RAB29: variants seen among roughly 807,000 people sequenced by gnomAD.
The protein encoded by RAB29 is ras-related protein Rab-29.
A neutral mutation model predicts 25.5 loss-of-function variants in RAB29; 13 were observed. The ratio of observed to expected loss-of-function variants is 0.51; its 90% confidence interval spans 0.33 to 0.81. The LOEUF is 0.81. RAB29 is among the 30% of genes least tolerant of loss of function. The pLI, the probability that RAB29 is intolerant of heterozygous loss-of-function variation, is 0.02. For synonymous variants in RAB29, 88 were observed against 95.0 expected (o/e 0.93, Z 0.43); for missense variants, 201 against 254.9 (o/e 0.79, Z 1.44).
At chr1:205,774,304 C>T (rs1571621806) in intron 2 of RAB29, among the ~76,000 whole-genome samples, 2 of 152,352 alleles carry the variant, frequency 1.3e-5, no homozygotes, top group East Asian at 3.9e-4. Context: ...TCCATCCCAC[C>T]CACAGCCCCA....
rs1200597677 is a variant in RAB29, at chr1:205,772,534, T to G, written c.158A>C (p.Asp53Ala). The change falls in exon 3 of 6, where the codon GAC (aspartate) becomes GCC (alanine). Residue 53 changes from aspartate to alanine, a missense_variant. Coordinates refer to ENST00000367139, the MANE Select transcript of RAB29 (RefSeq NM_003929.3). ...CAGCTGAAGCCGCACTATCTCGTAG[T>G]CAGACCACTGGAGAACCTTCAGAGC... ...DFALKVLQWS[D>A]YEIVRLQLWD... 9 of 1,614,112 alleles carry G rather than the reference T, an allele frequency of 5.6e-6. No homozygotes were observed. The highest frequency in any genetic ancestry group is 1.3e-5 in the African/African-American group (1 of 75,052).
Position 205,770,036 on chromosome 1 carries a change from C to G in RAB29, c.*306G>C. 2.5e-6 allele frequency: 1 copy of G among 400,208 alleles called. No individual in the cohort carries two copies. Among genetic ancestry groups the G allele is most frequent in the Non-Finnish European group, 4.6e-6 (1 of 218,830 alleles). 24.8% of individuals were successfully genotyped at this position (400,208 alleles called of 1,614,324 possible). A position where few individuals can be genotyped will look rare whatever the true frequency, so the allele number is the denominator to read the frequency against. Reference sequence around the variant, plus strand: ...TAGGTGAGAATTATGATCTCTAAAACGCAGGTGCTGATTTCTAATCCTTCT... The same window carrying G: ...TAGGTGAGAATTATGATCTCTAAAAGGCAGGTGCTGATTTCTAATCCTTCT... On this transcript the variant is annotated 3_prime_UTR_variant, in exon 6 of 6. Transcript: ENST00000367139.
In RAB29 at chr1:205,773,108, CAAG is replaced by C. The variant is rs1395376277; in HGVS notation, c.125-544_125-542del. ...AATGGAAAAGGTCCCAGAGGAGTCC[CAAG>C]AAGAAGACACTGTGTGGATGTTGCT... On this transcript the variant is annotated intron_variant, in intron 2 of 5. Transcript: ENST00000367139. Among the ~76,000 whole-genome samples the C allele has an allele frequency of 5.3e-5, 8 of 152,230 alleles. 1 individual carries two copies. Among genetic ancestry groups the C allele is most frequent in the African/African-American group, 1.9e-4 (8 of 41,528 alleles).
Position 205,775,065 on chromosome 1 carries a change from TC to T in RAB29, c.-110del. 1 of 1,401,994 alleles carries T rather than the reference TC, an allele frequency of 7.1e-7. No homozygotes were observed. Among genetic ancestry groups the T allele is most frequent in the Non-Finnish European group, 9.8e-7 (1 of 1,019,138 alleles). The allele number at this position is 1,401,994 out of a possible 1,614,324, so 86.8% of individuals were successfully genotyped here. On this transcript the variant is annotated 5_prime_UTR_variant, in exon 2 of 6. Coordinates refer to ENST00000367139, the MANE Select transcript of RAB29 (RefSeq NM_003929.3). The stretch of plus-strand genomic sequence containing the variant: ...CCCTCTTCAAACTGAAGTGAGGCAT[TC>T]CCACCCACCGCCTGTCTGGGCTGCT...
chr1:205,774,798 T>TG, intron 2 of RAB29, 35 bp downstream of exon 2: 86 of 658,448 alleles, frequency 1.3e-4, no homozygotes, highest in Non-Finnish European at 2.1e-4. Context: ...GGCCTCCTCC[T>TG]CCCCCTCCCC....
chr1:205,770,235 G>T lies in RAB29; in HGVS notation c.*107C>A. 1 of 909,026 alleles carries T rather than the reference G, an allele frequency of 1.1e-6. No homozygotes were observed. The highest frequency in any genetic ancestry group is 1.8e-6 in the Non-Finnish European group (1 of 560,340). 56.3% of individuals were successfully genotyped at this position (909,026 alleles called of 1,614,324 possible). On this transcript the variant is annotated 3_prime_UTR_variant, in exon 6 of 6. Coordinates refer to ENST00000367139, the MANE Select transcript of RAB29 (RefSeq NM_003929.3). The stretch of plus-strand genomic sequence containing the variant: ...CAATGGGCCTCCTTACTGGACAGTA[G>T]TCAGGAGACAATTCAAATGTACTTA...
intron 4 of RAB29, 100 bp downstream of exon 4, chr1:205,771,372 C>T: frequency 7.0e-7 from 1 of 1,434,326 alleles, no homozygotes; most frequent in East Asian, 2.3e-5. Flanking sequence ...ATTTTGCCAA[C>T]TTAAGAAGGG....
chr1:205,772,307 C>G (rs930662523), intron 3 of RAB29, among the ~76,000 whole-genome samples, 189 bp downstream of exon 3: 1 of 152,322 alleles, frequency 6.6e-6, no homozygotes, highest in African/African-American at 2.4e-5. Context: ...ATAGAGACTG[C>G]TCCAGATCTA....
chr1:205,770,155 G>A lies in RAB29; in HGVS notation c.*187C>T. On this transcript the variant is annotated 3_prime_UTR_variant, in exon 6 of 6. Coordinates refer to ENST00000367139, the MANE Select transcript of RAB29 (RefSeq NM_003929.3). ...AATGTGAGCCAGCAACATGTGAAAG[G>A]CTAATCCAGGAGATGCAGAAATGCA... 1.6e-6 allele frequency: 1 copy of A among 619,088 alleles called. No individual in the cohort carries two copies. The highest frequency in any genetic ancestry group is 2.9e-6 in the Non-Finnish European group (1 of 346,874). The allele number at this position is 619,088 out of a possible 1,614,324, so 38.3% of individuals were successfully genotyped here. A position where few individuals can be genotyped will look rare whatever the true frequency, so the allele number is the denominator to read the frequency against.
chr1:205,773,362 C>T (rs1337649256), intron 2 of RAB29, among the ~76,000 whole-genome samples: 1 of 152,166 alleles, frequency 6.6e-6, no homozygotes, highest in Non-Finnish European at 1.5e-5. Context: ...TAAAGGAAAA[C>T]TACAGCAATT....
chr1:205,770,688 TG>T, intron 5 of RAB29, 44 bp downstream of exon 5: 1 of 1,612,942 alleles, frequency 6.2e-7, no homozygotes, highest in Non-Finnish European at 8.5e-7. Context: ...AGGGCCACAG[TG>T]GAAGATGGAT....
chr1:205,774,798 T>TTC (rs1558071352), intron 2 of RAB29, 35 bp downstream of exon 2: 7 of 658,516 alleles, frequency 1.1e-5, no homozygotes, highest in Admixed American at 2.3e-5. Context: ...GGCCTCCTCC[T>TTC]CCCCCTCCCC....
chr1:205,770,526 A>T, intron 5 of RAB29, 73 bp from the exon 6 acceptor site: 1 of 1,443,392 alleles, frequency 6.9e-7, no homozygotes, highest in East Asian at 2.3e-5. Context: ...AGTCTGACTT[A>T]TCATCAGAGA....
Position 205,770,366 on chromosome 1 carries a change from C to T in RAB29, c.588G>A (p.Lys196=), listed in dbSNP as rs1411054440. The T allele has an allele frequency of 6.2e-7, 1 of 1,613,942 alleles. No homozygotes were observed. Among genetic ancestry groups the T allele is most frequent in the East Asian group, 2.2e-5 (1 of 44,888 alleles). Reference sequence around the variant, plus strand: ...ACTAGCAGCAGGACCAGCTGGAGGACTTGGTTTGTAGATTGATGTAGTCCC... The same window carrying T: ...ACTAGCAGCAGGACCAGCTGGAGGATTTGGTTTGTAGATTGATGTAGTCCC... ...TQGDYINLQT[K]SSSWSCC is the part of the protein sequence containing the mutation. The change falls in exon 6 of 6, where the codon AAG becomes AAA. Residue 196 remains lysine, a synonymous_variant. Coordinates refer to ENST00000367139, the MANE Select transcript of RAB29 (RefSeq NM_003929.3).
At chr1:205,771,727 T>A in intron 3 of RAB29, 74 bp from the exon 4 acceptor site, 1 of 1,427,020 alleles carries the variant, frequency 7.0e-7, no homozygotes, top group Non-Finnish European at 9.9e-7. Context: ...AAGAGGGCAG[T>A]AAGCATATGT....
chr1:205,773,887 A>G (rs2102483130), intron 2 of RAB29, among the ~76,000 whole-genome samples: 2 of 152,336 alleles, frequency 1.3e-5, no homozygotes, highest in South Asian at 4.1e-4. Context: ...TATGAACAGG[A>G]GCACACATTT....
At chr1:205,772,960 G>A (rs572202052) in intron 2 of RAB29, among the ~76,000 whole-genome samples, 32 of 152,274 alleles carry the variant, frequency 2.1e-4, no homozygotes, top group Admixed American at 1.6e-3. Flanking sequence ...GGTTGCTTTC[G>A]TATCTTCCAC....
At chr1:205,774,793 C>CCAG in intron 2 of RAB29, 40 bp downstream of exon 2, 1 of 1,245,292 alleles carries the variant, frequency 8.0e-7, no homozygotes, top group Non-Finnish European at 1.1e-6. Flanking sequence ...GTCGGGGCCT[C>CCAG]CTCCTCCCCC....
At chr1:205,773,140 G>A (rs1375293334) in intron 2 of RAB29, among the ~76,000 whole-genome samples, 1 of 152,222 alleles carries the variant, frequency 6.6e-6, no homozygotes, top group Non-Finnish European at 1.5e-5. Flanking sequence ...TGTTGCTGAA[G>A]AGTCCTGCTG....
Sources: gnomAD v4.1 joint callset for allele counts (sites outside exome capture counted in the v4.1 genomes callset) on GRCh38, gnomAD v4.1.1 for gene constraint, MANE v1.5 for transcripts, NCBI Gene and HGNC (gene_info 2026-07-23, HGNC 2026-07-21) for gene names.